Variants in HSF1 observed in about 807,000 individuals in gnomAD.
HSF1 encodes the protein heat shock transcription factor 1.
HSF1 carries 32 observed loss-of-function variants against 51.7 expected under a neutral mutation model. The ratio of observed to expected loss-of-function variants is 0.62; its 90% CI spans 0.47 to 0.83. The LOEUF (loss-of-function observed/expected upper bound fraction) is 0.83, where lower values mean the gene tolerates loss of function less well. HSF1 is among the 40% of genes least tolerant of loss of function. The pLI is 0.00. For missense variants in HSF1, 727 were observed against 717.0 expected, an observed-to-expected ratio of 1.01 and a Z score of -0.16; for synonymous variants, 396 against 309.7, an observed-to-expected ratio of 1.28 and a Z score of -2.92.
At chr8:144,301,409 G>C (rs1458977437) in intron 1 of HSF1, among the ~76,000 whole-genome samples, 3 of 150,510 alleles carry the variant, frequency 2.0e-5, no homozygotes, top group African/African-American at 7.4e-5. Context: ...ACAGAGCCCT[G>C]TCTCAAAAAA....
In HSF1 at chr8:144,311,508, CCT is replaced by C; in HGVS notation, c.631_632del (p.Leu211AspfsTer15). On this transcript the variant is annotated frameshift_variant, in exon 7 of 13. Coordinates refer to ENST00000528838, the MANE Select transcript of HSF1 (RefSeq NM_005526.4). LOFTEE classifies it high-confidence loss of function. ...TGACCTGCACCCTTCCCCACAGCCC[CCT>C]GATGCTGAACGACAGTGGCTCAGCA... ...RILGVKRKIP[L>X]MLNDSGSAHS... The C allele has an allele frequency of 6.2e-7, 1 of 1,613,684 alleles. No individual in the cohort carries two copies. Among genetic ancestry groups the C allele is most frequent in the Non-Finnish European group, 8.5e-7 (1 of 1,179,980 alleles).
chr8:144,300,212 C>CTTT (rs1176636210), intron 1 of HSF1, among the ~76,000 whole-genome samples: 1,469 of 87,704 alleles, frequency 0.017, 20 homozygotes, highest in Non-Finnish European at 0.018. Context: ...GTTGTGTACT[C>CTTT]TTTTTTTTTT....
At chr8:144,300,810 G>A (rs1016644794) in intron 1 of HSF1, among the ~76,000 whole-genome samples, 4 of 151,594 alleles carry the variant, frequency 2.6e-5, no homozygotes, top group African/African-American at 9.7e-5. Flanking sequence ...TAGAATGTGG[G>A]TCCTAGTTAA....
At position 144,308,893 on chromosome 8, in the gene HSF1, G is replaced by A; in HGVS notation, c.118-13G>A. 2 of 1,611,666 alleles carry A rather than the reference G, an allele frequency of 1.2e-6. No homozygotes were observed. The highest frequency in any genetic ancestry group is 1.7e-6 in the Non-Finnish European group (2 of 1,177,776). ...ACCACCACGCGTGACCCACCCATGT[G>A]TCTCCCTTTCAGAGCGGGAACAGCT... On this transcript the variant is annotated splice_polypyrimidine_tract_variant and intron_variant, in intron 1 of 12. Coordinates refer to ENST00000528838, the MANE Select transcript of HSF1 (RefSeq NM_005526.4).
intron 1 of HSF1, among the ~76,000 whole-genome samples, chr8:144,307,880 G>A (rs538682391): frequency 1.3e-5 from 2 of 152,338 alleles, no homozygotes; most frequent in Admixed American, 1.3e-4. Context: ...TAATTCTTTG[G>A]TTAACTTTCA....
At chr8:144,313,484 T>C (rs781808941) in intron 9 of HSF1, 27 bp from the exon 10 acceptor site, 1 of 1,486,064 alleles carries the variant, frequency 6.7e-7, no homozygotes, top group South Asian at 1.1e-5. Context: ...GGGGCACTGG[T>C]TCAGGTACCG....
Position 144,314,194 on chromosome 8 carries a change from G to T in HSF1, c.1454G>T (p.Ser485Ile), listed in dbSNP as rs530108041. 2 of 1,549,810 alleles carry T rather than the reference G, an allele frequency of 1.3e-6. No individual in the cohort carries two copies. The highest frequency in any genetic ancestry group is 4.9e-5 in the East Asian group (2 of 40,856). ...GACCCCGGCTCCGTGGACACCGGGA[G>T]CAACGACCTGCCGGTGCTGTTTGAG... The part of the protein sequence containing the change: ...LLDPGSVDTG[S>I]NDLPVLFELG... The change falls in exon 13 of 13, where the codon AGC becomes ATC. Residue 485 changes from serine (S) to isoleucine (I), a missense_variant. By Grantham distance (142) the Ser-to-Ile change is moderately radical (BLOSUM62 -2). Coordinates refer to ENST00000528838, the MANE Select transcript of HSF1 (RefSeq NM_005526.4).
At chr8:144,298,466 G>T (rs983468552) in intron 1 of HSF1, among the ~76,000 whole-genome samples, 3 of 150,778 alleles carry the variant, frequency 2.0e-5, no homozygotes, top group Admixed American at 6.6e-5. Flanking sequence ...ATAGCCAGGC[G>T]TGGTGGTGCG....
chr8:144,306,843 C>A (rs964823740), intron 1 of HSF1, among the ~76,000 whole-genome samples: 11 of 152,222 alleles, frequency 7.2e-5, no homozygotes, highest in African/African-American at 2.7e-4. Context: ...GTTCAGTTAA[C>A]TGAGATAGGT....
chr8:144,311,087 C>T lies in HSF1; in HGVS notation c.489-87C>T, dbSNP rs1816612490. On this transcript the variant is annotated intron_variant, in intron 4 of 12. Coordinates refer to ENST00000528838, the MANE Select transcript of HSF1 (RefSeq NM_005526.4). ...ATGGTCACACTTACCCCTGCTCCTG[C>T]ATGGGGGACAGGGAGGGTCTGTGGG... The T allele has an allele frequency of 3.4e-5, 42 of 1,247,108 alleles. No individual in the cohort carries two copies. The South Asian group carries it at 4.4e-4, about 13-fold the overall frequency. 77.3% of individuals were successfully genotyped at this position (1,247,108 alleles called of 1,614,324 possible). A position where few individuals can be genotyped will look rare whatever the true frequency, so the allele number is the denominator to read the frequency against.
At chr8:144,294,443 C>G (rs955987537) in intron 1 of HSF1, among the ~76,000 whole-genome samples, 3 of 152,216 alleles carry the variant, frequency 2.0e-5, no homozygotes, top group Non-Finnish European at 2.9e-5. Flanking sequence ...CTCCTTCTGG[C>G]TCAGAGTCTT....
In HSF1 at chr8:144,291,752, C is replaced by T; in HGVS notation, c.-6C>T. ...GCTCCCTCCGCCTATTCCCTCCTTG[C>T]TCGAGATGGATCTGCCCGTGGGCCC... is the stretch of plus-strand genomic sequence containing the variant. On this transcript the variant is annotated 5_prime_UTR_variant, in exon 1 of 13. Coordinates refer to ENST00000528838, the MANE Select transcript of HSF1 (RefSeq NM_005526.4). The surrounding 1 kb of genome is among the most constrained non-coding windows in gnomAD (Gnocchi z 4.1). 12 of 1,491,248 alleles carry T rather than the reference C, an allele frequency of 8.0e-6. No individual in the cohort carries two copies. Among genetic ancestry groups the T allele is most frequent in the African/African-American group, 1.5e-5 (1 of 68,458 alleles). The allele number at this position is 1,491,248 out of a possible 1,614,324, so 92.4% of individuals were successfully genotyped here.
Position 144,312,191 on chromosome 8 carries a change from C to G in HSF1, c.1089C>G (p.Ser363=). 1.3e-6 allele frequency: 2 copies of G among 1,547,344 alleles called. No individual in the cohort carries two copies. The highest frequency in any genetic ancestry group is 1.8e-6 in the Non-Finnish European group (2 of 1,125,338). The change falls in exon 9 of 13, where the codon TCC becomes TCG. Residue 363 remains serine, a synonymous_variant. Coordinates refer to ENST00000528838, the MANE Select transcript of HSF1 (RefSeq NM_005526.4). ...CGGACACCGAGGGCCGGCCTCCCTCCCCCCCGCCCACCTCCACCCCTGAAA... is the reference window on the plus strand; with the variant it reads ...CGGACACCGAGGGCCGGCCTCCCTCGCCCCCGCCCACCTCCACCCCTGAAA... ...GHTDTEGRPP[S]PPPTSTPEKC... is the part of the protein sequence containing the mutation.
At chr8:144,309,405 G>A in intron 2 of HSF1, 50 bp from the exon 3 acceptor site, 2 of 1,609,074 alleles carry the variant, frequency 1.2e-6, no homozygotes, top group Non-Finnish European at 1.7e-6. Flanking sequence ...CTCTTCAGGG[G>A]TTCTGGTCCC....
intron 1 of HSF1, among the ~76,000 whole-genome samples, chr8:144,295,340 G>T (rs1488332534): frequency 6.6e-6 from 1 of 152,248 alleles, no homozygotes; most frequent in Non-Finnish European, 1.5e-5. Context: ...ACAAGATAAG[G>T]AAGTATGAAA....
rs782717137 is a variant in HSF1, at chr8:144,311,758, C to T, written c.782C>T (p.Ser261Phe). 1.9e-6 allele frequency: 3 copies of T among 1,612,974 alleles called. No individual in the cohort carries two copies. The highest frequency in any genetic ancestry group is 2.5e-6 in the Non-Finnish European group (3 of 1,179,824). Residue 261 changes from serine (S) to phenylalanine (F), a missense_variant, in exon 8 of 13, where the codon TCT becomes TTT. Physicochemically the swap from Ser to Phe is radical, Grantham distance 155. Around this residue, in one of 2 missense-constraint regions of HSF1, gnomAD observed 470 missense variants for 398.8 expected, o/e 1.18. Transcript: ENST00000528838. Reference protein sequence around the residue: ...SLYAPDAVASSGPIISDITEL... With the variant: ...SLYAPDAVASFGPIISDITEL... ...TACGCCCCTGATGCTGTGGCCAGCT[C>T]TGGACCCATCATCTCCGACATCACC...
intron 9 of HSF1, chr8:144,312,632 G>A: frequency 6.5e-7 from 1 of 1,535,304 alleles, no homozygotes; most frequent in Non-Finnish European, 8.7e-7. Context: ...TTGCAGTTTG[G>A]CTCGCACTCC....
In HSF1 at chr8:144,313,529, C is replaced by T. The variant is rs373501871; in HGVS notation, c.1161C>T (p.His387=). 1.1e-5 allele frequency: 17 copies of T among 1,611,310 alleles called. No homozygotes were observed. Among genetic ancestry groups the T allele is most frequent in the East Asian group, 8.9e-5 (4 of 44,866 alleles). Residue 387 remains histidine, a synonymous_variant, in exon 10 of 13, where the codon CAC becomes CAT. Coordinates refer to ENST00000528838, the MANE Select transcript of HSF1 (RefSeq NM_005526.4). ...GGGCCAGGAATGAGCTCAGTGACCA[C>T]TTGGATGCTATGGACTCCAACCTGG... ...ACLDKNELSD[H]LDAMDSNLDN...
intron 1 of HSF1, among the ~76,000 whole-genome samples, chr8:144,308,031 T>C (rs1816336436): frequency 6.6e-6 from 1 of 152,236 alleles, no homozygotes; most frequent in Admixed American, 6.5e-5. Context: ...GGTTCTCCAC[T>C]TCTAGTGCCA....
Sources: gnomAD v4.1 joint callset for allele counts (sites outside exome capture counted in the v4.1 genomes callset) on GRCh38, gnomAD v4.1.1 for gene constraint, gnomAD v4.1.1 regional missense constraint, Gnocchi (gnomAD v3.1) non-coding constraint, MANE v1.5 for transcripts, NCBI Gene and HGNC (gene_info 2026-07-23, HGNC 2026-07-21) for gene names.